The following DSCAML1 variants were observed in gnomAD, a reference collection of about 807,000 sequenced individuals.
DSCAML1 encodes the protein DS cell adhesion molecule like 1.
A neutral mutation model predicts 200.5 loss-of-function variants in DSCAML1; 38 were observed. That is an observed-to-expected ratio of 0.19 (90% CI 0.15 to 0.25). DSCAML1 has a LOEUF of 0.25. DSCAML1 is among the 10% of genes least tolerant of loss of function. The pLI, the probability that DSCAML1 is intolerant of heterozygous loss-of-function variation, is 1.00. For missense variants in DSCAML1, 2,223 were observed against 2,858.8 expected (o/e 0.78, Z 5.07); for synonymous variants, 1,215 against 1,165.0 (o/e 1.04, Z -0.87).
At chr11:117,810,211 A>AAAACTCCGTGGACCC (rs1428052194) in intron 1 of DSCAML1, among the ~76,000 whole-genome samples, 4 of 150,690 alleles carry the variant, frequency 2.7e-5, no homozygotes, top group East Asian at 1.9e-4. Flanking sequence ...ACGTGGACCC[A>AAAACTCCGTGGACCC]AAACTCCGTG....
chr11:117,809,482 C>G (rs1376407728), intron 1 of DSCAML1, among the ~76,000 whole-genome samples: 1 of 152,246 alleles, frequency 6.6e-6, no homozygotes, highest in Non-Finnish European at 1.5e-5. Flanking sequence ...GTGTCTGCCT[C>G]CCCCTAGTGC....
chr11:117,762,789 T>C (rs1029941394), intron 3 of DSCAML1, among the ~76,000 whole-genome samples: 4 of 151,672 alleles, frequency 2.6e-5, no homozygotes, highest in Admixed American at 2.6e-4. Flanking sequence ...CTTGAACCCA[T>C]GAGGTGGAGG....
chr11:117,674,167 T>C (rs1458082796), intron 3 of DSCAML1, among the ~76,000 whole-genome samples: 2 of 152,222 alleles, frequency 1.3e-5, no homozygotes, highest in Non-Finnish European at 2.9e-5. Context: ...TTAGCATATT[T>C]TCATAAGAAT....
intron 20 of DSCAML1, among the ~76,000 whole-genome samples, chr11:117,447,269 C>T (rs2048198665): frequency 6.6e-6 from 1 of 152,156 alleles, no homozygotes; most frequent in Non-Finnish European, 1.5e-5. Context: ...GCCTGGGTGA[C>T]AGAGCAGGGC....
intron 1 of DSCAML1, among the ~76,000 whole-genome samples, chr11:117,817,019 G>T (rs1384018567): frequency 6.6e-6 from 1 of 152,222 alleles, no homozygotes; most frequent in South Asian, 2.1e-4. Context: ...TGCCCACAGG[G>T]CTCTTTCTCT....
At chr11:117,736,598 C>G (rs1678928350) in intron 3 of DSCAML1, among the ~76,000 whole-genome samples, 1 of 152,184 alleles carries the variant, frequency 6.6e-6, no homozygotes, top group South Asian at 2.1e-4. Context: ...GAAAATTCTT[C>G]TCTGTGTTTG....
At chr11:117,618,183 G>T (rs780226700) in intron 3 of DSCAML1, among the ~76,000 whole-genome samples, 2 of 152,162 alleles carry the variant, frequency 1.3e-5, no homozygotes, top group African/African-American at 4.8e-5. Flanking sequence ...GACATGCAGG[G>T]TTGGAAAGGG....
At chr11:117,774,032 G>A (rs1175756523) in intron 3 of DSCAML1, among the ~76,000 whole-genome samples, 1 of 152,182 alleles carries the variant, frequency 6.6e-6, no homozygotes, top group African/African-American at 2.4e-5. Flanking sequence ...TACAGGGGCC[G>A]CCTGGGGGAA....
chr11:117,809,945 ACACACATTCACACACT>A (rs1011206601), intron 1 of DSCAML1, among the ~76,000 whole-genome samples: 26 of 132,360 alleles, frequency 2.0e-4, no homozygotes, highest in Admixed American at 1.4e-3. Flanking sequence ...ATATTCACAT[ACACACATTCACACACT>A]CACACATTCA....
intron 3 of DSCAML1, among the ~76,000 whole-genome samples, chr11:117,656,395 C>A (rs1463722273): frequency 1.3e-5 from 2 of 152,150 alleles, no homozygotes; most frequent in African/African-American, 4.8e-5. Context: ...GATAATAATA[C>A]CTACACCACG....
intron 3 of DSCAML1, among the ~76,000 whole-genome samples, chr11:117,588,800 G>C (rs2051200978): frequency 6.6e-6 from 1 of 152,180 alleles, no homozygotes; most frequent in Non-Finnish European, 1.5e-5. Flanking sequence ...CCAGGGGCGG[G>C]TGTGGGGATC....
At chr11:117,491,252 C>G (rs986476170) in intron 11 of DSCAML1, among the ~76,000 whole-genome samples, 2 of 152,212 alleles carry the variant, frequency 1.3e-5, no homozygotes, top group African/African-American at 2.4e-5. Flanking sequence ...TAATAATCAT[C>G]ACAGTCTGTT....
intron 3 of DSCAML1, among the ~76,000 whole-genome samples, chr11:117,666,714 A>C (rs1014925564): frequency 2.0e-5 from 3 of 152,126 alleles, no homozygotes; most frequent in Admixed American, 2.0e-4. Flanking sequence ...GCATTGTCTA[A>C]AGGAAGGTCG....
chr11:117,512,198 A>T (rs934138549), intron 8 of DSCAML1, among the ~76,000 whole-genome samples: 4 of 151,922 alleles, frequency 2.6e-5, no homozygotes, highest in African/African-American at 9.7e-5. Context: ...TCTACTTTCT[A>T]GCTCTCTGCT....
At chr11:117,754,679 A>T (rs2054657836) in intron 3 of DSCAML1, among the ~76,000 whole-genome samples, 1 of 152,172 alleles carries the variant, frequency 6.6e-6, no homozygotes, top group South Asian at 2.1e-4. Context: ...TTATAATTAA[A>T]ATCCCTTCAG....
chr11:117,764,125 T>A (rs1184403273), intron 3 of DSCAML1, among the ~76,000 whole-genome samples: 1 of 152,164 alleles, frequency 6.6e-6, no homozygotes, highest in Non-Finnish European at 1.5e-5. Flanking sequence ...TCCATACCTC[T>A]GCCCACCCTT....
chr11:117,694,528 C>T (rs1463283663), intron 3 of DSCAML1, among the ~76,000 whole-genome samples: 1 of 152,172 alleles, frequency 6.6e-6, no homozygotes, highest in Non-Finnish European at 1.5e-5. Context: ...GCCCCCAGAC[C>T]ATCTCCTTTC....
chr11:117,703,299 C>T (rs560271878), intron 3 of DSCAML1, among the ~76,000 whole-genome samples: 8 of 152,316 alleles, frequency 5.3e-5, no homozygotes, highest in South Asian at 2.1e-4. Flanking sequence ...AACACTCCAA[C>T]GGGGAGCTGG....
At chr11:117,757,573 T>TACACACACACACACACACACAC (rs5795104) in intron 3 of DSCAML1, among the ~76,000 whole-genome samples, 5 of 146,800 alleles carry the variant, frequency 3.4e-5, no homozygotes, top group Non-Finnish European at 6.0e-5. Context: ...TAGGAGCCTA[T>TACACACACACACACACACACAC]ACACACACAC....
Sources: gnomAD v4.1 joint callset for allele counts (sites outside exome capture counted in the v4.1 genomes callset) on GRCh38, gnomAD v4.1.1 for gene constraint, MANE v1.5 for transcripts, NCBI Gene and HGNC (gene_info 2026-07-23, HGNC 2026-07-21) for gene names.